The following CNTNAP4 variants were observed in gnomAD, a reference collection of about 807,000 sequenced individuals.
The protein encoded by CNTNAP4 is contactin associated protein family member 4.
A neutral mutation model predicts 148.4 loss-of-function variants in CNTNAP4; 98 were observed. That is an observed-to-expected ratio of 0.66 (90% CI 0.56 to 0.78). The LOEUF (loss-of-function observed/expected upper bound fraction) is 0.78. CNTNAP4 is among the 30% of genes least tolerant of loss of function. The pLI, the probability that CNTNAP4 is intolerant of heterozygous loss-of-function variation, is 0.00. For synonymous variants in CNTNAP4, 730 were observed against 565.1 expected (o/e 1.29, Z -4.14); for missense variants, 1,935 against 1,565.6 (o/e 1.24, Z -3.98).
chr16:76,322,316 G>A (rs1008643441), intron 2 of CNTNAP4, among the ~76,000 whole-genome samples: 1 of 152,072 alleles, frequency 6.6e-6, no homozygotes, highest in African/African-American at 2.4e-5. Context: ...TTGAGATGGG[G>A]GTGCTAATAT....
At chr16:76,410,362 T>C (rs536936723) in intron 3 of CNTNAP4, among the ~76,000 whole-genome samples, 91 of 151,898 alleles carry the variant, frequency 6.0e-4, no homozygotes, top group African/African-American at 2.1e-3. Flanking sequence ...GCATTAAAAA[T>C]GGAGAACATG....
chr16:76,402,969 A>G (rs532346161), intron 3 of CNTNAP4, among the ~76,000 whole-genome samples: 4 of 151,894 alleles, frequency 2.6e-5, no homozygotes, highest in South Asian at 2.1e-4. Flanking sequence ...TAAGCAATCA[A>G]TTTTAGAGTA....
At chr16:76,533,144 TACA>T (rs2084058605) in intron 17 of CNTNAP4, among the ~76,000 whole-genome samples, 2 of 152,032 alleles carry the variant, frequency 1.3e-5, no homozygotes, top group Admixed American at 1.3e-4. Context: ...TGTAATGGAA[TACA>T]ATTCAGGCAT....
At chr16:76,460,773 A>AAAATATATATATATATATAT in intron 8 of CNTNAP4, among the ~76,000 whole-genome samples, 4 of 57,326 alleles carry the variant, frequency 7.0e-5, no homozygotes, top group Non-Finnish European at 9.8e-5. Flanking sequence ...AAAAAAAAAA[A>AAAATATATATATATATATAT]ATATATATAT....
Position 76,336,128 on chromosome 16 carries a change from T to G in CNTNAP4, c.197-19190T>G, listed in dbSNP as rs527862550. Among the ~76,000 whole-genome samples, 63 of 152,288 alleles carry G rather than the reference T, an allele frequency of 4.1e-4. 1 individual carries two copies. In the South Asian group the frequency reaches 0.011, roughly 27 times the overall value. ...TAATCTGTGAACTGGACTGACTTCCTCTGGGATGATTAGGTTGATTTTCTA... is the reference window on the plus strand; with the variant it reads ...TAATCTGTGAACTGGACTGACTTCCGCTGGGATGATTAGGTTGATTTTCTA... On this transcript the variant is annotated intron_variant, in intron 2 of 23. Transcript: ENST00000611870.
chr16:76,292,188 T>G (rs1457121792), intron 1 of CNTNAP4, among the ~76,000 whole-genome samples: 1 of 152,212 alleles, frequency 6.6e-6, no homozygotes, highest in Admixed American at 6.5e-5. Flanking sequence ...TTCAATGTCA[T>G]CCAACTTTGT....
chr16:76,373,728 C>G (rs1239861030), intron 3 of CNTNAP4, among the ~76,000 whole-genome samples: 2 of 151,792 alleles, frequency 1.3e-5, no homozygotes, highest in Non-Finnish European at 2.9e-5. Context: ...AACCCTATCT[C>G]TACTAAAAAT....
chr16:76,380,138 G>A (rs969379321), intron 3 of CNTNAP4, among the ~76,000 whole-genome samples: 3 of 152,136 alleles, frequency 2.0e-5, no homozygotes, highest in African/African-American at 4.8e-5. Flanking sequence ...TGGAAAATGT[G>A]TTCATAAAGG....
intron 3 of CNTNAP4, among the ~76,000 whole-genome samples, chr16:76,385,892 C>T (rs73615726): frequency 0.016 from 2,378 of 152,102 alleles, 68 homozygotes; most frequent in African/African-American, 0.054. Flanking sequence ...TACTTAGGAA[C>T]ATAAGGCAGT....
chr16:76,291,156 A>G (rs936600119), intron 1 of CNTNAP4, among the ~76,000 whole-genome samples: 5 of 152,218 alleles, frequency 3.3e-5, no homozygotes, highest in African/African-American at 1.2e-4. Flanking sequence ...AATTCAGTCC[A>G]TAACAGGTGC....
intron 1 of CNTNAP4, among the ~76,000 whole-genome samples, chr16:76,289,818 G>A (rs988280576): frequency 3.3e-5 from 5 of 152,042 alleles, no homozygotes; most frequent in African/African-American, 7.2e-5. Context: ...TGATCCACCC[G>A]CCTCAGCCTC....
chr16:76,476,023 C>T lies in CNTNAP4; in HGVS notation c.1740C>T (p.Tyr580=). The change falls in exon 11 of 24, where the codon TAC becomes TAT. Residue 580 remains tyrosine (Y), a synonymous_variant. Transcript: ENST00000611870. ...ATTGTAACTGTACCAACACTGGTTA[C>T]AGAGGAGCTACTTGCCATAACTGTA... The part of the protein sequence containing the change: ...TFHCNCTNTG[Y]RGATCHNSIY... 6.2e-7 allele frequency: 1 copy of T among 1,613,102 alleles called. No individual in the cohort carries two copies. Among genetic ancestry groups the T allele is most frequent in the Non-Finnish European group, 8.5e-7 (1 of 1,179,078 alleles).
At chr16:76,412,463 TCAA>T (rs1482315255) in intron 3 of CNTNAP4, among the ~76,000 whole-genome samples, 1 of 151,410 alleles carries the variant, frequency 6.6e-6, no homozygotes, top group Non-Finnish European at 1.5e-5. Flanking sequence ...ATTTATATTC[TCAA>T]CAGCAGTGTA....
chr16:76,502,029 A>T (rs1217001861), intron 15 of CNTNAP4, among the ~76,000 whole-genome samples: 1 of 151,788 alleles, frequency 6.6e-6, no homozygotes, highest in Admixed American at 6.6e-5. Context: ...AGATCCCGCC[A>T]CTGCACTCCA....
chr16:76,393,480 T>C (rs919429775), intron 3 of CNTNAP4, among the ~76,000 whole-genome samples: 15 of 152,286 alleles, frequency 9.8e-5, no homozygotes, highest in Admixed American at 3.3e-4. Context: ...GCATTTATGA[T>C]GTGTTGCTGA....
intron 11 of CNTNAP4, among the ~76,000 whole-genome samples, chr16:76,477,727 T>G (rs2081644442): frequency 6.6e-6 from 1 of 152,218 alleles, no homozygotes; most frequent in African/African-American, 2.4e-5. Context: ...ACCCAGCTAG[T>G]GGAAGGACAG....
intron 2 of CNTNAP4, among the ~76,000 whole-genome samples, chr16:76,347,430 G>A (rs1226556679): frequency 6.6e-6 from 1 of 152,092 alleles, no homozygotes; most frequent in Non-Finnish European, 1.5e-5. Context: ...AAGACCCCTG[G>A]TCTCATAGAG....
At chr16:76,375,493 C>T (rs573905617) in intron 3 of CNTNAP4, among the ~76,000 whole-genome samples, 3 of 152,298 alleles carry the variant, frequency 2.0e-5, no homozygotes, top group South Asian at 4.1e-4. Context: ...GGGCTTTGCA[C>T]TGGGGTCTTT....
intron 2 of CNTNAP4, among the ~76,000 whole-genome samples, chr16:76,344,075 T>C (rs192104648): frequency 6.6e-6 from 1 of 152,342 alleles, no homozygotes; most frequent in East Asian, 1.9e-4. Context: ...TTGTACCTGC[T>C]AGCTTCAAAC....
Sources: gnomAD v4.1 joint callset for allele counts (sites outside exome capture counted in the v4.1 genomes callset) on GRCh38, gnomAD v4.1.1 for gene constraint, MANE v1.5 for transcripts, NCBI Gene and HGNC (gene_info 2026-07-23, HGNC 2026-07-21) for gene names.